The following GRIN2A variants were observed in gnomAD, a reference collection of about 807,000 sequenced individuals.
GRIN2A encodes glutamate receptor ionotropic, NMDA 2A.
GRIN2A carries 22 observed loss-of-function variants against 113.4 expected under a neutral mutation model. That is an observed-to-expected ratio of 0.19 (90% CI 0.14 to 0.28). The LOEUF (loss-of-function observed/expected upper bound fraction) is 0.28. GRIN2A is among the 10% of genes least tolerant of loss of function. The pLI is 1.00. For missense variants in GRIN2A, 1,502 were observed against 1,887.0 expected (o/e 0.80, Z 3.78); for synonymous variants, 827 against 738.4 (o/e 1.12, Z -1.94).
At chr16:9,876,407 C>T (rs1001141154) in intron 4 of GRIN2A, among the ~76,000 whole-genome samples, 3 of 152,288 alleles carry the variant, frequency 2.0e-5, no homozygotes, top group East Asian at 3.9e-4. Context: ...CACATCCGCA[C>T]GTCCTCACCA....
At chr16:10,007,110 C>T (rs954016233) in intron 2 of GRIN2A, among the ~76,000 whole-genome samples, 2 of 152,216 alleles carry the variant, frequency 1.3e-5, no homozygotes, top group East Asian at 3.8e-4. Flanking sequence ...GCAGATATCT[C>T]TTCAATATAC....
chr16:9,968,305 T>C (rs1007352976), intron 2 of GRIN2A, among the ~76,000 whole-genome samples: 10 of 150,982 alleles, frequency 6.6e-5, no homozygotes, highest in Admixed American at 5.9e-4. Context: ...TGTATGTATG[T>C]ATACATGTAC....
chr16:10,079,791 A>C (rs887247993), intron 2 of GRIN2A, among the ~76,000 whole-genome samples: 32 of 152,220 alleles, frequency 2.1e-4, no homozygotes, highest in Admixed American at 1.6e-3. Context: ...GCCCAAACAG[A>C]CTAAGAAAGC....
chr16:9,921,425 G>A (rs1252620021), intron 3 of GRIN2A, among the ~76,000 whole-genome samples: 3 of 152,084 alleles, frequency 2.0e-5, no homozygotes, highest in East Asian at 1.9e-4. Flanking sequence ...TCAGAAGATC[G>A]GGTGCTAAAG....
intron 2 of GRIN2A, among the ~76,000 whole-genome samples, chr16:10,050,982 A>G (rs915434067): frequency 3.3e-5 from 5 of 152,352 alleles, no homozygotes; most frequent in Middle Eastern, 6.8e-3. Flanking sequence ...TGGCAGCAAT[A>G]GGAAAGTAAG....
rs1363459634 is a variant in GRIN2A, at chr16:9,763,730, C to T, written c.3814G>A (p.Ala1272Thr). The stretch of plus-strand genomic sequence containing the variant: ...TGTAATTGAAGGGCATTGTTCTGTG[C>T]CCAGTCCTGCTGGTAGACCTGCTCC... ...TGEQVYQQDWAQNNALQLQKN... is the reference protein window; with the variant it reads ...TGEQVYQQDWTQNNALQLQKN... The change falls in exon 13 of 13, where the codon GCA (alanine) becomes ACA (threonine). Residue 1272 changes from alanine (A) to threonine (T), a missense_variant. By Grantham distance (58) the Ala-to-Thr change is moderately conservative. Transcript: ENST00000330684. The T allele has an allele frequency of 2.5e-6, 4 of 1,614,124 alleles. No homozygotes were observed. The highest frequency in any genetic ancestry group is 3.4e-6 in the Non-Finnish European group (4 of 1,180,004).
In GRIN2A at chr16:9,764,588, G is replaced by C. The variant is rs2141135718; in HGVS notation, c.2956C>G (p.Leu986Val). The change falls in exon 13 of 13, where the codon CTT becomes GTT. Residue 986 changes from leucine (L) to valine (V), a missense_variant. By Grantham distance (32) the Leu-to-Val change is conservative. This residue lies in a region of GRIN2A where 832 missense variants were observed against 789.7 expected (regional missense o/e 1.05). Transcript: ENST00000330684. ...NNYVFQGQHP[L>V]TLNESNPNTV... ...TTAGGGTTGGACTCATTGAGAGTAA[G>C]AGGATGTTGTCCCTGGAATACATAG... 6.2e-7 allele frequency: 1 copy of C among 1,614,062 alleles called. No individual in the cohort carries two copies. Among genetic ancestry groups the C allele is most frequent in the African/African-American group, 1.3e-5 (1 of 75,050 alleles).
chr16:10,143,464 A>T (rs1260749528), intron 2 of GRIN2A, among the ~76,000 whole-genome samples: 2 of 152,224 alleles, frequency 1.3e-5, no homozygotes, highest in Admixed American at 1.3e-4. Context: ...GTAGGTATTT[A>T]TGTTTAAAAA....
At chr16:9,778,779 C>G (rs961728107) in intron 11 of GRIN2A, among the ~76,000 whole-genome samples, 1 of 152,208 alleles carries the variant, frequency 6.6e-6, no homozygotes, top group South Asian at 2.1e-4. Flanking sequence ...ACTGCTGATG[C>G]CCTTGCAGCT....
chr16:10,112,630 A>G, intron 2 of GRIN2A: 1 of 768,454 alleles, frequency 1.3e-6, no homozygotes, highest in South Asian at 1.3e-5. Flanking sequence ...GGCTCGCTAG[A>G]TGCCATGGAG....
intron 2 of GRIN2A, among the ~76,000 whole-genome samples, chr16:10,127,626 A>T (rs9930364): frequency 0.089 from 13,594 of 152,238 alleles, 691 homozygotes; most frequent in Non-Finnish European, 0.11. Context: ...TATAGCATGA[A>T]CTATGTCCTT....
intron 7 of GRIN2A, among the ~76,000 whole-genome samples, chr16:9,836,324 G>A (rs574011574): frequency 6.6e-6 from 1 of 152,188 alleles, no homozygotes; most frequent in Non-Finnish European, 1.5e-5. Flanking sequence ...CGCTGTCCAT[G>A]GTTCTGAAAA....
chr16:9,914,330 C>G (rs904055392), intron 3 of GRIN2A, among the ~76,000 whole-genome samples: 2 of 152,166 alleles, frequency 1.3e-5, no homozygotes, highest in African/African-American at 2.4e-5. Context: ...AAAGGCAGAC[C>G]TAAACCAGCC....
At chr16:9,778,492 A>G (rs1392195757) in intron 11 of GRIN2A, among the ~76,000 whole-genome samples, 1 of 152,242 alleles carries the variant, frequency 6.6e-6, no homozygotes, top group Non-Finnish European at 1.5e-5. Context: ...ACTTTTTAAT[A>G]TCACAAAGGA....
chr16:10,045,639 G>A (rs1404486621), intron 2 of GRIN2A, among the ~76,000 whole-genome samples: 3 of 152,230 alleles, frequency 2.0e-5, no homozygotes, highest in Non-Finnish European at 4.4e-5. Flanking sequence ...TCTGGCCATG[G>A]CACTGTCTGA....
rs796581058 is a variant in GRIN2A at position 9,971,814 on chromosome 16, G to GA, written c.415-33264dup. On this transcript the variant is annotated intron_variant, in intron 2 of 12. Transcript: ENST00000330684. ...ACAGGTAAAAAATTAAAGCTAGAAG[G>GA]AAAAAAAAAATATACCTGAAGGCTC... Among the ~76,000 whole-genome samples, 574 of 149,196 alleles carry GA rather than the reference G, an allele frequency of 3.8e-3. 2 individuals are homozygous for GA. Among genetic ancestry groups the GA allele is most frequent in the African/African-American group, 0.013 (540 of 40,748 alleles).
chr16:9,950,751 A>G (rs894295357), intron 2 of GRIN2A, among the ~76,000 whole-genome samples: 1 of 152,272 alleles, frequency 6.6e-6, no homozygotes, highest in Non-Finnish European at 1.5e-5. Flanking sequence ...TCCACAGGCT[A>G]CCCGTGTTGC....
chr16:9,948,075 G>A (rs1438238662), intron 2 of GRIN2A, among the ~76,000 whole-genome samples: 2 of 152,096 alleles, frequency 1.3e-5, no homozygotes, highest in Non-Finnish European at 2.9e-5. Flanking sequence ...AGCTCTTATC[G>A]CGTGCCAAGC....
intron 2 of GRIN2A, among the ~76,000 whole-genome samples, chr16:10,052,187 C>T (rs2047370704): frequency 6.6e-6 from 1 of 152,204 alleles, no homozygotes; most frequent in African/African-American, 2.4e-5. Flanking sequence ...AAGATGATCC[C>T]AATGACAGAT....
Sources: allele counts gnomAD v4.1 joint callset (sites outside exome capture counted in the v4.1 genomes callset), GRCh38; gene constraint gnomAD v4.1.1; regional missense constraint gnomAD v4.1.1; transcripts MANE v1.5; gene names NCBI Gene and HGNC (gene_info 2026-07-23, HGNC 2026-07-21).